The following ANTXR1 variants were observed in gnomAD, a reference collection of about 807,000 sequenced individuals.
ANTXR1 encodes the protein ANTXR cell adhesion molecule 1.
In ANTXR1, 19 loss-of-function variants were observed where a neutral mutation model predicts 78.1. The observed-to-expected ratio is 0.24, with a 90% CI of 0.17 to 0.36. The LOEUF is 0.36. Ranked by LOEUF, ANTXR1 falls within the 10% of genes least tolerant of loss-of-function variation. The pLI is 1.00. For synonymous variants in ANTXR1, 273 were observed against 260.5 expected, an observed-to-expected ratio of 1.05 and a Z score of -0.46; for missense variants, 518 against 718.6, an observed-to-expected ratio of 0.72 and a Z score of 3.19.
At chr2:69,024,527 C>T (rs914234749) in intron 1 of ANTXR1, among the ~76,000 whole-genome samples, 1 of 152,004 alleles carries the variant, frequency 6.6e-6, no homozygotes, top group African/African-American at 2.4e-5. Flanking sequence ...AGAGAACCAG[C>T]AAAGAATTGT....
chr2:69,132,523 G>T (rs116800827), intron 12 of ANTXR1, among the ~76,000 whole-genome samples: 1 of 152,210 alleles, frequency 6.6e-6, no homozygotes, highest in Non-Finnish European at 1.5e-5. Flanking sequence ...TCACCAGCCC[G>T]GTAGGGAGTG....
chr2:69,213,157 C>A (rs1188814911), intron 17 of ANTXR1, among the ~76,000 whole-genome samples: 1 of 151,978 alleles, frequency 6.6e-6, no homozygotes, highest in Non-Finnish European at 1.5e-5. Flanking sequence ...AATTATATAA[C>A]CCTAAAGCAA....
intron 12 of ANTXR1, among the ~76,000 whole-genome samples, chr2:69,131,815 C>G (rs1672756613): frequency 6.6e-6 from 1 of 152,016 alleles, no homozygotes; most frequent in Admixed American, 6.6e-5. Flanking sequence ...AAAAGGATGG[C>G]CAGCAATTCT....
intron 17 of ANTXR1, among the ~76,000 whole-genome samples, chr2:69,219,345 T>G (rs1675257652): frequency 6.9e-6 from 1 of 144,738 alleles, no homozygotes; most frequent in Non-Finnish European, 1.5e-5. Context: ...ACTTAAGGAA[T>G]TTTAGCCTAG....
chr2:69,188,096 G>A (rs987785878), intron 16 of ANTXR1, among the ~76,000 whole-genome samples: 3 of 151,184 alleles, frequency 2.0e-5, no homozygotes, highest in South Asian at 2.1e-4. Context: ...ATGACCCAGG[G>A]TGCTTTGGGT....
chr2:69,159,295 G>C (rs566616035), intron 13 of ANTXR1, among the ~76,000 whole-genome samples: 46 of 152,154 alleles, frequency 3.0e-4, no homozygotes, highest in Admixed American at 7.2e-4. Context: ...GTTCTGAGCA[G>C]GGCACAGTGA....
At chr2:69,211,072 A>G (rs979070777) in intron 17 of ANTXR1, among the ~76,000 whole-genome samples, 4 of 152,166 alleles carry the variant, frequency 2.6e-5, no homozygotes, top group African/African-American at 9.7e-5. Context: ...CGAAAAGGCT[A>G]CAGAGAGGAG....
intron 3 of ANTXR1, among the ~76,000 whole-genome samples, chr2:69,062,253 A>G (rs1670266776): frequency 6.6e-6 from 1 of 152,190 alleles, no homozygotes; most frequent in Non-Finnish European, 1.5e-5. Context: ...ATCCCCCCTC[A>G]CCCACATTTC....
intron 17 of ANTXR1, among the ~76,000 whole-genome samples, chr2:69,195,166 CA>C (rs1444339115): frequency 7.6e-6 from 1 of 131,988 alleles, no homozygotes; most frequent in African/African-American, 3.0e-5. Flanking sequence ...GACTCTGTCT[CA>C]AAAAAAAAGA....
chr2:69,232,477 G>A (rs1441522104), intron 17 of ANTXR1, among the ~76,000 whole-genome samples: 2 of 146,700 alleles, frequency 1.4e-5, no homozygotes, highest in East Asian at 2.0e-4. Flanking sequence ...CAGCCTAGGC[G>A]ACAGACCGAG....
intron 4 of ANTXR1, 70 bp downstream of exon 4, chr2:69,070,798 G>A: frequency 7.1e-7 from 1 of 1,415,124 alleles, no homozygotes; most frequent in Non-Finnish European, 1.0e-6. Flanking sequence ...GGTGACTGAT[G>A]AGATAAGGCA....
intron 17 of ANTXR1, among the ~76,000 whole-genome samples, chr2:69,210,188 T>G: frequency 6.6e-6 from 1 of 152,364 alleles, no homozygotes; most frequent in East Asian, 1.9e-4. Flanking sequence ...TCTTCACTCC[T>G]GCAGTGTCCA....
chr2:69,076,431 A>G (rs1001778377), intron 7 of ANTXR1, among the ~76,000 whole-genome samples: 1 of 152,236 alleles, frequency 6.6e-6, no homozygotes, highest in Non-Finnish European at 1.5e-5. Context: ...AGCAAGTTGT[A>G]AAAGCTTACT....
At position 69,181,803 on chromosome 2, in the gene ANTXR1, T is replaced by G; in HGVS notation, c.1107T>G (p.Gly369=). The G allele has an allele frequency of 6.2e-7, 1 of 1,614,148 alleles. No individual in the cohort carries two copies. Among genetic ancestry groups the G allele is most frequent in the Non-Finnish European group, 8.5e-7 (1 of 1,180,000 alleles). The part of the protein sequence containing the change: ...AEESEEEDDD[G]LPKKKWPTVD... ...CTCTGCAGGAAGAAGATGATGATGG[T>G]CTGCCTAAGAAAAAGTGGCCAACGG... Residue 369 remains glycine (G), a synonymous_variant, in exon 15 of 18, where the codon GGT becomes GGG. Transcript: ENST00000303714.
At chr2:69,236,782 C>T (rs1675774403) in intron 17 of ANTXR1, among the ~76,000 whole-genome samples, 1 of 152,142 alleles carries the variant, frequency 6.6e-6, no homozygotes, top group African/African-American at 2.4e-5. Context: ...TTGGTGCTTC[C>T]ATGTGATAGA....
chr2:69,092,874 G>A (rs180723738), intron 9 of ANTXR1, among the ~76,000 whole-genome samples: 2 of 152,314 alleles, frequency 1.3e-5, no homozygotes, highest in Admixed American at 1.3e-4. Context: ...CATGTAGTGT[G>A]TGTGAATTGT....
chr2:69,035,203 G>A (rs1671645561), intron 1 of ANTXR1, among the ~76,000 whole-genome samples: 1 of 152,182 alleles, frequency 6.6e-6, no homozygotes, highest in Non-Finnish European at 1.5e-5. Flanking sequence ...GTCATGGATA[G>A]GAAGTCAGCT....
intron 14 of ANTXR1, among the ~76,000 whole-genome samples, chr2:69,180,173 C>G (rs1011313245): frequency 1.3e-5 from 2 of 152,246 alleles, no homozygotes; most frequent in African/African-American, 4.8e-5. Context: ...TTGTCCTGAC[C>G]TCTCCTGCCT....
At chr2:69,157,265 C>G (rs934334822) in intron 13 of ANTXR1, among the ~76,000 whole-genome samples, 3 of 152,020 alleles carry the variant, frequency 2.0e-5, no homozygotes, top group Admixed American at 6.6e-5. Context: ...CTCATGGGCT[C>G]TCTTTCCTCT....
Sources: gnomAD v4.1 joint callset for allele counts (sites outside exome capture counted in the v4.1 genomes callset) on GRCh38, gnomAD v4.1.1 for gene constraint, MANE v1.5 for transcripts, NCBI Gene and HGNC (gene_info 2026-07-23, HGNC 2026-07-21) for gene names.